PRKCH: variants seen among roughly 807,000 people sequenced by gnomAD.
PRKCH encodes the protein protein kinase C eta type.
In PRKCH, 28 loss-of-function variants were observed where a neutral mutation model predicts 82.5. The observed-to-expected ratio is 0.34, with a 90% CI of 0.25 to 0.47. The LOEUF (loss-of-function observed/expected upper bound fraction) is 0.47. Ranked by LOEUF, PRKCH falls within the 20% of genes least tolerant of loss-of-function variation. The pLI, the probability that PRKCH is intolerant of heterozygous loss-of-function variation, is 1.00. For missense variants in PRKCH, 705 were observed against 881.8 expected, an observed-to-expected ratio of 0.80 and a Z score of 2.54; for synonymous variants, 322 against 327.4, an observed-to-expected ratio of 0.98 and a Z score of 0.18.
At chr14:61,295,925 C>A (rs932739305) in intron 1 of PRKCH, among the ~76,000 whole-genome samples, 9 of 151,994 alleles carry the variant, frequency 5.9e-5, no homozygotes, top group Non-Finnish European at 1.3e-4. Context: ...GGAAATCCCC[C>A]TTAGAATTCA....
At chr14:61,532,301 G>T (rs1197662804) in intron 12 of PRKCH, among the ~76,000 whole-genome samples, 1 of 152,166 alleles carries the variant, frequency 6.6e-6, no homozygotes, top group Admixed American at 6.5e-5. Context: ...ACTAGGCTTG[G>T]TACCATGAAG....
chr14:61,509,050 G>A (rs1269621434), intron 10 of PRKCH, among the ~76,000 whole-genome samples: 3 of 152,060 alleles, frequency 2.0e-5, no homozygotes, highest in African/African-American at 7.3e-5. Context: ...TGTTAGCATT[G>A]GGTGCTGGAT....
At chr14:61,345,061 C>T (rs2045975140) in intron 1 of PRKCH, among the ~76,000 whole-genome samples, 1 of 152,090 alleles carries the variant, frequency 6.6e-6, no homozygotes, top group East Asian at 1.9e-4. Context: ...ACCCTCAGTT[C>T]CCTTTTCTGG....
At chr14:61,431,921 A>AC (rs1215358405) in intron 2 of PRKCH, among the ~76,000 whole-genome samples, 1 of 151,698 alleles carries the variant, frequency 6.6e-6, no homozygotes, top group African/African-American at 2.4e-5. Context: ...TACTTTTTCT[A>AC]CCTATGTCTT....
chr14:61,201,906 A>C (rs557156793), intron 1 of PRKCH, among the ~76,000 whole-genome samples: 1 of 152,306 alleles, frequency 6.6e-6, no homozygotes, highest in East Asian at 1.9e-4. Context: ...TACCTACAAA[A>C]AGTGAGCCTG....
At chr14:61,445,115 C>G (rs1884159237) in intron 3 of PRKCH, among the ~76,000 whole-genome samples, 2 of 152,180 alleles carry the variant, frequency 1.3e-5, no homozygotes, top group African/African-American at 4.8e-5. Context: ...GAGAATACTC[C>G]TAATGTTACC....
intron 7 of PRKCH, among the ~76,000 whole-genome samples, chr14:61,454,220 C>T (rs1884654426): frequency 6.6e-6 from 1 of 152,046 alleles, no homozygotes; most frequent in Admixed American, 6.5e-5. Context: ...TCTCCTGCCT[C>T]AGCCTCCCGA....
intron 10 of PRKCH, among the ~76,000 whole-genome samples, chr14:61,516,069 C>T (rs573436044): frequency 6.6e-6 from 1 of 152,180 alleles, no homozygotes; most frequent in Non-Finnish European, 1.5e-5. Context: ...GCTAATCAGG[C>T]TCTAAAGTCT....
intron 1 of PRKCH, among the ~76,000 whole-genome samples, chr14:61,240,314 G>A (rs1224502123): frequency 6.6e-6 from 1 of 152,222 alleles, no homozygotes; most frequent in African/African-American, 2.4e-5. Context: ...TTGGGAGGTT[G>A]GAGGAAGCGG....
intron 1 of PRKCH, among the ~76,000 whole-genome samples, chr14:61,265,127 A>G (rs2045086320): frequency 6.6e-6 from 1 of 152,200 alleles, no homozygotes; most frequent in Admixed American, 6.5e-5. Flanking sequence ...CTCAGTGGAA[A>G]ATAACAGGGT....
intron 1 of PRKCH, among the ~76,000 whole-genome samples, chr14:61,354,245 T>G (rs7155899): frequency 0.018 from 2,730 of 152,290 alleles, 89 homozygotes; most frequent in African/African-American, 0.062. Context: ...ATATTATTCT[T>G]AATTTTCACA....
At chr14:61,489,939 T>G (rs1196205944) in intron 10 of PRKCH, among the ~76,000 whole-genome samples, 1 of 152,226 alleles carries the variant, frequency 6.6e-6, no homozygotes, top group South Asian at 2.1e-4. Flanking sequence ...TGGCTGTTTT[T>G]GACAAAGTGT....
chr14:61,379,267 G>A (rs1013753593), intron 1 of PRKCH, among the ~76,000 whole-genome samples: 4 of 151,864 alleles, frequency 2.6e-5, no homozygotes, highest in South Asian at 2.1e-4. Context: ...TTGTACAAAC[G>A]TTCCCTCTTT....
At chr14:61,534,313 A>C (rs566432958) in intron 12 of PRKCH, among the ~76,000 whole-genome samples, 1 of 152,224 alleles carries the variant, frequency 6.6e-6, no homozygotes, top group Admixed American at 6.5e-5. Flanking sequence ...GAAGCAACCC[A>C]TGTGTCCATC....
chr14:61,549,421 A>G (rs187562047), intron 13 of PRKCH, among the ~76,000 whole-genome samples: 11 of 152,354 alleles, frequency 7.2e-5, no homozygotes, highest in African/African-American at 1.7e-4. Flanking sequence ...GACCAAATTA[A>G]TTCTTAGCCT....
chr14:61,306,358 C>G (rs897472930), intron 1 of PRKCH: 1 of 152,244 alleles, frequency 6.6e-6, no homozygotes, highest in Non-Finnish European at 1.5e-5. Context: ...TCTGCATACT[C>G]CTTTCTTTGT....
chr14:61,268,828 T>A (rs982527952), intron 1 of PRKCH, among the ~76,000 whole-genome samples: 1 of 152,178 alleles, frequency 6.6e-6, no homozygotes, highest in African/African-American at 2.4e-5. Context: ...GCATACTTAA[T>A]TTTGCTTCTG....
chr14:61,379,451 T>C (rs1391910149), intron 1 of PRKCH, among the ~76,000 whole-genome samples: 3 of 152,246 alleles, frequency 2.0e-5, no homozygotes, highest in East Asian at 3.8e-4. Flanking sequence ...CAAACAAGTC[T>C]CTAAAACATC....
chr14:61,249,044 C>T (rs902265222), intron 1 of PRKCH, among the ~76,000 whole-genome samples: 3 of 152,248 alleles, frequency 2.0e-5, no homozygotes, highest in Non-Finnish European at 2.9e-5. Context: ...TCAGGTGACT[C>T]GCCTGCCTCG....
Sources: allele counts gnomAD v4.1 joint callset (sites outside exome capture counted in the v4.1 genomes callset), GRCh38; gene constraint gnomAD v4.1.1; transcripts MANE v1.5; gene names NCBI Gene and HGNC (gene_info 2026-07-23, HGNC 2026-07-21).